RCSD1: variants seen among roughly 807,000 people sequenced by gnomAD.
RCSD1 encodes the protein RCSD domain containing 1.
In RCSD1, 26 loss-of-function variants were observed where a neutral mutation model predicts 42.5. The ratio of observed to expected loss-of-function variants is 0.61; its 90% confidence interval spans 0.45 to 0.85. The LOEUF (loss-of-function observed/expected upper bound fraction) is 0.85, where lower values mean the gene tolerates loss of function less well. RCSD1 is among the 40% of genes least tolerant of loss of function. The probability of loss-of-function intolerance (pLI) is 0.00; values close to 1 mark genes in which losing one functional copy is unlikely to be tolerated. For synonymous variants in RCSD1, 220 were observed against 212.2 expected (o/e 1.04, Z -0.32); for missense variants, 571 against 528.3 (o/e 1.08, Z -0.79).
chr1:167,682,455 A>G (rs1659105085), intron 1 of RCSD1, among the ~76,000 whole-genome samples: 1 of 152,192 alleles, frequency 6.6e-6, no homozygotes, highest in African/African-American at 2.4e-5. Context: ...GGCGTGAGCC[A>G]CCATGTCCGG....
chr1:167,700,179 T>C (rs923163509), intron 6 of RCSD1, among the ~76,000 whole-genome samples: 2 of 152,258 alleles, frequency 1.3e-5, no homozygotes, highest in South Asian at 2.1e-4. Context: ...TCTCTAATGA[T>C]AGAAGTACAG....
Position 167,637,571 on chromosome 1 carries a change from C to T in RCSD1, c.6+7142C>T, listed in dbSNP as rs1372740771. ...CACACAGGAGACCTCAATCTAATGG[C>T]AGCACATGCCTGCCTGGGGCCTGCC... On this transcript the variant is annotated intron_variant, in intron 1 of 6. Transcript: ENST00000367854. Among the ~76,000 whole-genome samples the T allele has an allele frequency of 7.2e-5, 11 of 152,298 alleles. No individual in the cohort carries two copies. The East Asian group carries it at 1.5e-3, about 21-fold the overall frequency.
At chr1:167,650,905 A>C (rs911443306) in intron 1 of RCSD1, among the ~76,000 whole-genome samples, 1 of 152,198 alleles carries the variant, frequency 6.6e-6, no homozygotes, top group African/African-American at 2.4e-5. Flanking sequence ...ACAAAGTGCC[A>C]TGGACTGGAT....
At chr1:167,659,844 G>T (rs570316474) in intron 1 of RCSD1, among the ~76,000 whole-genome samples, 1 of 151,826 alleles carries the variant, frequency 6.6e-6, no homozygotes, top group East Asian at 1.9e-4. Context: ...CCCTGAACTC[G>T]CCATGCCTCT....
At chr1:167,655,368 T>C (rs1658401451) in intron 1 of RCSD1, among the ~76,000 whole-genome samples, 2 of 152,220 alleles carry the variant, frequency 1.3e-5, no homozygotes, top group Non-Finnish European at 2.9e-5. Context: ...GACCATTTTT[T>C]TCTCTCCTCT....
chr1:167,700,534 C>T (rs1659613929), intron 6 of RCSD1, among the ~76,000 whole-genome samples: 1 of 151,950 alleles, frequency 6.6e-6, no homozygotes, highest in South Asian at 2.1e-4. Flanking sequence ...GCCTGTGGTC[C>T]CAGCTACTTA....
At chr1:167,677,269 A>C (rs1658975400) in intron 1 of RCSD1, among the ~76,000 whole-genome samples, 1 of 152,184 alleles carries the variant, frequency 6.6e-6, no homozygotes, top group African/African-American at 2.4e-5. Context: ...ATGCTCAGGA[A>C]GGGGTGATTA....
intron 1 of RCSD1, among the ~76,000 whole-genome samples, chr1:167,674,227 G>C (rs74960996): frequency 6.6e-6 from 1 of 152,190 alleles, no homozygotes; most frequent in Non-Finnish European, 1.5e-5. Flanking sequence ...AACTCACCCT[G>C]TCTTCCTCAC....
chr1:167,661,949 G>C lies in RCSD1; in HGVS notation c.7-21951G>C, dbSNP rs80356399. Among the ~76,000 whole-genome samples the C allele has an allele frequency of 1.6e-3, 241 of 152,324 alleles. 5 individuals are homozygous for C. The highest frequency in any genetic ancestry group is 5.3e-3 in the African/African-American group (222 of 41,560). ...TTGGGTTTCCCATGAGGAATATAAT[G>C]CACAGATTGATCTGTGCAGCAACCT... is the stretch of plus-strand genomic sequence containing the variant. On this transcript the variant is annotated intron_variant, in intron 1 of 6. Coordinates refer to ENST00000367854, the MANE Select transcript of RCSD1 (RefSeq NM_052862.4).
chr1:167,642,173 C>A (rs550441488), intron 1 of RCSD1, among the ~76,000 whole-genome samples: 1 of 152,170 alleles, frequency 6.6e-6, no homozygotes, highest in South Asian at 2.1e-4. Flanking sequence ...CTCATGGCCT[C>A]CAAATGATGA....
At chr1:167,670,981 C>T (rs977148960) in intron 1 of RCSD1, among the ~76,000 whole-genome samples, 3 of 152,192 alleles carry the variant, frequency 2.0e-5, no homozygotes, top group Admixed American at 6.5e-5. Context: ...TGGATCCAAG[C>T]CATCCTTAAG....
chr1:167,657,094 A>T (rs1658441002), intron 1 of RCSD1, among the ~76,000 whole-genome samples: 1 of 152,250 alleles, frequency 6.6e-6, no homozygotes, highest in Non-Finnish European at 1.5e-5. Context: ...TCTACTTCAT[A>T]GGGCAAGTAA....
At chr1:167,668,872 A>G (rs946200799) in intron 1 of RCSD1, among the ~76,000 whole-genome samples, 4 of 152,204 alleles carry the variant, frequency 2.6e-5, no homozygotes, top group African/African-American at 4.8e-5. Context: ...CTCAGATGTC[A>G]GTTTTTCAGA....
At chr1:167,640,107 C>G (rs1415165505) in intron 1 of RCSD1, among the ~76,000 whole-genome samples, 1 of 152,190 alleles carries the variant, frequency 6.6e-6, no homozygotes, top group Non-Finnish European at 1.5e-5. Flanking sequence ...AAGTGCTGCC[C>G]AGGTGGAGAA....
In RCSD1 at chr1:167,697,744, G is replaced by C. The variant is rs146544065; in HGVS notation, c.1120G>C (p.Gly374Arg). ...QEKGKEKQQEGAVLEPGCSPQ... is the reference protein window; with the variant it reads ...QEKGKEKQQERAVLEPGCSPQ... Reference sequence around the variant, plus strand: ...AAAAGGCAAGGAAAAACAACAGGAGGGGGCAGTGCTCGAGCCAGGCTGCAG... The same window carrying C: ...AAAAGGCAAGGAAAAACAACAGGAGCGGGCAGTGCTCGAGCCAGGCTGCAG... The change falls in exon 6 of 7, where the codon GGG (glycine) becomes CGG (arginine). Residue 374 changes from glycine (G) to arginine (R), a missense_variant. Transcript: ENST00000367854. The C allele has an allele frequency of 1.4e-4, 212 of 1,562,372 alleles. 1 individual carries two copies. In the African/African-American group the frequency reaches 2.6e-3, roughly 19 times the overall value.
intron 1 of RCSD1, among the ~76,000 whole-genome samples, chr1:167,669,248 G>A (rs896821774): frequency 6.6e-6 from 1 of 152,252 alleles, no homozygotes; most frequent in Non-Finnish European, 1.5e-5. Context: ...AAGTGACCAT[G>A]TAAGACCATT....
At chr1:167,686,203 T>G (rs775287688) in intron 3 of RCSD1, among the ~76,000 whole-genome samples, 1 of 152,184 alleles carries the variant, frequency 6.6e-6, no homozygotes, top group Non-Finnish European at 1.5e-5. Flanking sequence ...GTGGTCATAG[T>G]CTGTGCCAGA....
At chr1:167,640,286 G>A (rs528389836) in intron 1 of RCSD1, 3 of 152,174 alleles carry the variant, frequency 2.0e-5, no homozygotes, top group Non-Finnish European at 4.4e-5. Context: ...ACTAAGGCTC[G>A]AGGGGCGGCT....
intron 6 of RCSD1, among the ~76,000 whole-genome samples, chr1:167,698,807 G>GT (rs113396577): frequency 0.046 from 6,898 of 148,456 alleles, 298 homozygotes; most frequent in African/African-American, 0.11. Context: ...TTTTGTTTTT[G>GT]TTTTTGTTTT....
Sources: allele counts gnomAD v4.1 joint callset (sites outside exome capture counted in the v4.1 genomes callset), GRCh38; gene constraint gnomAD v4.1.1; transcripts MANE v1.5; gene names NCBI Gene and HGNC (gene_info 2026-07-23, HGNC 2026-07-21).